RANBP2: variants seen among roughly 807,000 people sequenced by gnomAD.
The protein encoded by RANBP2 is RAN binding protein 2.
RANBP2 carries 57 observed loss-of-function variants against 303.6 expected under a neutral mutation model. The ratio of observed to expected loss-of-function variants is 0.19; its 90% CI spans 0.15 to 0.23. RANBP2 has a LOEUF of 0.23. Among genes scored for constraint, RANBP2 ranks in the 10% least tolerant of loss-of-function variants. RANBP2 has a pLI of 1.00. For missense variants in RANBP2, 3,138 were observed against 3,780.8 expected (o/e 0.83, Z 4.46); for synonymous variants, 1,167 against 1,301.5 (o/e 0.90, Z 2.23).
chr2:109,313,358 C>T, the RANBP2 span, among the ~76,000 whole-genome samples: 1 of 152,220 alleles, frequency 6.6e-6, no homozygotes, highest in African/African-American at 2.4e-5. Flanking sequence ...TGCAGTTCAG[C>T]CTAATGCACA....
chr2:109,199,830 A>C, the RANBP2 span, among the ~76,000 whole-genome samples: 1 of 152,228 alleles, frequency 6.6e-6, no homozygotes, highest in African/African-American at 2.4e-5. Context: ...AATGGAATGG[A>C]ATGGAATGGA....
chr2:108,842,491 T>C, the RANBP2 span, among the ~76,000 whole-genome samples: 1 of 152,156 alleles, frequency 6.6e-6, no homozygotes, highest in African/African-American at 2.4e-5. Flanking sequence ...TCCAGGATGT[T>C]ACCCATACAG....
chr2:108,877,475 A>T, the RANBP2 span, among the ~76,000 whole-genome samples: 1 of 152,142 alleles, frequency 6.6e-6, no homozygotes, highest in African/African-American at 2.4e-5. Flanking sequence ...CAAAAAAATA[A>T]AAATAAATAA....
At chr2:109,710,845 T>C in the RANBP2 span, among the ~76,000 whole-genome samples, 43 of 152,196 alleles carry the variant, frequency 2.8e-4, no homozygotes, top group African/African-American at 1.0e-3. Flanking sequence ...AGCTTTGGCA[T>C]AGAAAATGGG....
the RANBP2 span, among the ~76,000 whole-genome samples, chr2:109,327,978 CA>C: frequency 6.6e-6 from 1 of 152,342 alleles, no homozygotes; most frequent in South Asian, 2.1e-4. Flanking sequence ...TATCCAGCAT[CA>C]GCAGCTGTCA....
chr2:109,530,292 G>C, the RANBP2 span, among the ~76,000 whole-genome samples: 1 of 152,244 alleles, frequency 6.6e-6, no homozygotes, highest in African/African-American at 2.4e-5. Context: ...AGGCAGTCAC[G>C]GCGACGTTTG....
the RANBP2 span, among the ~76,000 whole-genome samples, chr2:108,816,833 A>G: frequency 3.3e-5 from 5 of 152,136 alleles, no homozygotes; most frequent in African/African-American, 9.7e-5. Context: ...AGTAGGGTCT[A>G]CAGGTATACA....
At chr2:109,350,400 C>T in the RANBP2 span, among the ~76,000 whole-genome samples, 1 of 152,156 alleles carries the variant, frequency 6.6e-6, no homozygotes, top group East Asian at 1.9e-4. Context: ...ACTTTCTTTA[C>T]TTGAATCCTG....
At chr2:109,266,878 G>A in the RANBP2 span, among the ~76,000 whole-genome samples, 163 of 152,294 alleles carry the variant, frequency 1.1e-3, 1 homozygote, top group African/African-American at 3.7e-3. Flanking sequence ...GCTGCAGACC[G>A]CCTCCCACTA....
At chr2:109,066,520 G>T in the RANBP2 span, among the ~76,000 whole-genome samples, 1 of 152,106 alleles carries the variant, frequency 6.6e-6, no homozygotes, top group Admixed American at 6.5e-5. Context: ...GTTGTGGGGG[G>T]TGCCCTCTAA....
At chr2:109,113,422 T>G in the RANBP2 span, among the ~76,000 whole-genome samples, 5 of 152,210 alleles carry the variant, frequency 3.3e-5, no homozygotes, top group Non-Finnish European at 7.3e-5. Flanking sequence ...CACTCATGAT[T>G]TGGCTGTCTG....
At chr2:108,788,335 G>A (rs866566329), downstream of RANBP2, among the ~76,000 whole-genome samples, 2 of 151,990 alleles carry the variant, frequency 1.3e-5, no homozygotes, top group African/African-American at 4.8e-5. Flanking sequence ...CAGGAGAATC[G>A]GTTGAACCCG....
At chr2:108,840,633 T>C in the RANBP2 span, among the ~76,000 whole-genome samples, 18 of 152,292 alleles carry the variant, frequency 1.2e-4, no homozygotes, top group Non-Finnish European at 2.5e-4. Context: ...TATTCTCTTA[T>C]CCTTTTGATG....
chr2:109,427,796 C>T, the RANBP2 span, among the ~76,000 whole-genome samples: 13 of 152,336 alleles, frequency 8.5e-5, no homozygotes, highest in African/African-American at 2.6e-4. Context: ...CAGGGAGAAC[C>T]GAGCAGTTTC....
At chr2:109,345,211 C>T in the RANBP2 span, among the ~76,000 whole-genome samples, 2 of 152,118 alleles carry the variant, frequency 1.3e-5, no homozygotes, top group Admixed American at 6.5e-5. Flanking sequence ...AAGTTGGGGC[C>T]GCAGTTACAC....
At chr2:109,737,177 G>A in the RANBP2 span, 53 of 790,154 alleles carry the variant, frequency 6.7e-5, no homozygotes, top group Non-Finnish European at 1.0e-4. Flanking sequence ...TGGTTAATTT[G>A]GAAGGAACGT....
the RANBP2 span, among the ~76,000 whole-genome samples, chr2:109,072,548 G>A: frequency 6.6e-6 from 1 of 152,152 alleles, no homozygotes; most frequent in African/African-American, 2.4e-5. Context: ...GCTACCAGAG[G>A]GTCTGGCCTC....
chr2:109,421,396 C>A, the RANBP2 span, among the ~76,000 whole-genome samples: 1 of 152,210 alleles, frequency 6.6e-6, no homozygotes, highest in Non-Finnish European at 1.5e-5. Context: ...CAGAGGGCTC[C>A]CCAGCTTGAG....
chr2:109,394,852 G>A, the RANBP2 span, among the ~76,000 whole-genome samples: 1 of 152,184 alleles, frequency 6.6e-6, no homozygotes, highest in Non-Finnish European at 1.5e-5. Context: ...TGCGCGAGAC[G>A]AGTCTGCACC....
Sources: gnomAD v4.1 joint callset for allele counts (sites outside exome capture counted in the v4.1 genomes callset) on GRCh38, gnomAD v4.1.1 for gene constraint, MANE v1.5 for transcripts, NCBI Gene and HGNC (gene_info 2026-07-23, HGNC 2026-07-21) for gene names.